Variants in C11orf65 observed in about 807,000 individuals in gnomAD.
C11orf65 encodes the protein chromosome 11 open reading frame 65.
Under a neutral mutation model 35.3 loss-of-function variants are expected in C11orf65, and 38 were observed. The observed-to-expected ratio is 1.08, with a 90% confidence interval of 0.83 to 1.41. C11orf65 has a LOEUF of 1.41. Among genes scored for constraint, C11orf65 ranks in the 40% most tolerant of loss-of-function variants. C11orf65 has a pLI of 0.00. For missense variants in C11orf65, 370 were observed against 367.1 expected (o/e 1.01, Z -0.06); for synonymous variants, 105 against 114.4 (o/e 0.92, Z 0.53).
At chr11:108,446,007 G>A (rs906265411) in intron 2 of C11orf65, among the ~76,000 whole-genome samples, 1 of 152,120 alleles carries the variant, frequency 6.6e-6, no homozygotes, top group African/African-American at 2.4e-5. Context: ...GCGATCAACT[G>A]GAAGAAAGGG....
chr11:108,409,535 T>C (rs1160525206), intron 3 of C11orf65, among the ~76,000 whole-genome samples: 3 of 152,282 alleles, frequency 2.0e-5, no homozygotes, highest in Middle Eastern at 6.8e-3. Flanking sequence ...GCTAGCAATA[T>C]GTGGTATGAT....
intron 2 of C11orf65, among the ~76,000 whole-genome samples, chr11:108,433,833 A>G (rs919062985): frequency 5.3e-5 from 8 of 152,066 alleles, no homozygotes; most frequent in Non-Finnish European, 1.2e-4. Flanking sequence ...AAATCCTTCT[A>G]CTGGGACAGA....
chr11:108,320,898 C>T (rs1358946701), intron 6 of C11orf65, among the ~76,000 whole-genome samples: 1 of 152,048 alleles, frequency 6.6e-6, no homozygotes, highest in African/African-American at 2.4e-5. Context: ...ATTATAATAC[C>T]ATATTCTTAC....
rs544165205 is a variant in C11orf65, at chr11:108,441,083, G to A, written c.82-9245C>T. Among the ~76,000 whole-genome samples, 7 of 152,330 alleles carry A rather than the reference G, an allele frequency of 4.6e-5. No homozygotes were observed. The South Asian group carries it at 1.0e-3, about 23-fold the overall frequency. On this transcript the variant is annotated intron_variant, in intron 2 of 8. Transcript: ENST00000393084. The stretch of plus-strand genomic sequence containing the variant: ...TTCCCTTTCCTAGCCAAGGGAAGCC[G>A]TGACAGATGGTACCTGGAAAATTAG...
At chr11:108,322,586 G>A (rs1280907310) in intron 6 of C11orf65, among the ~76,000 whole-genome samples, 1 of 152,166 alleles carries the variant, frequency 6.6e-6, no homozygotes, top group African/African-American at 2.4e-5. Flanking sequence ...ATGATCCAGG[G>A]ATTTTGGAAG....
At chr11:108,405,981 A>G (rs2092533132) in intron 5 of C11orf65, among the ~76,000 whole-genome samples, 1 of 151,872 alleles carries the variant, frequency 6.6e-6, no homozygotes, top group Non-Finnish European at 1.5e-5. Context: ...CCGTTATGAC[A>G]TTTTCTCCTA....
chr11:108,352,102 A>C (rs2089279757), intron 2 of C11orf65, among the ~76,000 whole-genome samples: 1 of 152,230 alleles, frequency 6.6e-6, no homozygotes, highest in African/African-American at 2.4e-5. Context: ...TAAAAGGTGT[A>C]GGTGTCAATT....
chr11:108,390,275 C>T (rs768394858), intron 7 of C11orf65, among the ~76,000 whole-genome samples: 2 of 152,174 alleles, frequency 1.3e-5, no homozygotes, highest in Non-Finnish European at 2.9e-5. Context: ...CCACCTGCCT[C>T]AGCCTCCCAA....
chr11:108,423,008 T>C (rs1472759216), intron 3 of C11orf65, among the ~76,000 whole-genome samples: 1 of 152,126 alleles, frequency 6.6e-6, no homozygotes, highest in Non-Finnish European at 1.5e-5. Context: ...TTTTATAACC[T>C]TGGAGTTGGA....
intron 6 of C11orf65, chr11:108,326,072 A>T: frequency 6.2e-7 from 1 of 1,614,108 alleles, no homozygotes; most frequent in Non-Finnish European, 8.5e-7. Context: ...CTGAAAGGGC[A>T]ATATTTCAAA....
chr11:108,390,690 A>G (rs1367466362), intron 7 of C11orf65, among the ~76,000 whole-genome samples: 1 of 152,138 alleles, frequency 6.6e-6, no homozygotes, highest in Admixed American at 6.5e-5. Flanking sequence ...ACTCTTAGGA[A>G]GAAAAGTAAA....
intron 2 of C11orf65, among the ~76,000 whole-genome samples, chr11:108,342,855 C>T (rs1484902723): frequency 6.6e-6 from 1 of 152,074 alleles, no homozygotes; most frequent in African/African-American, 2.4e-5. Context: ...AAGTGAAACT[C>T]CCCAAATTTA....
rs1555127024 is a variant in C11orf65 at position 108,334,972 on chromosome 11, G to T, written c.299+248C>A. ...ATCATGTTTATACTTTTATTAGGTG[G>T]ACCACACAGGAGAATATGGAAATCT... On this transcript the variant is annotated intron_variant, in intron 3 of 3. Transcript: ENST00000524755. 6.2e-7 allele frequency: 1 copy of T among 1,612,512 alleles called. No homozygotes were observed. The highest frequency in any genetic ancestry group is 8.5e-7 in the Non-Finnish European group (1 of 1,178,710).
At chr11:108,337,432 A>G (rs1423310588) in intron 2 of C11orf65, among the ~76,000 whole-genome samples, 1 of 152,250 alleles carries the variant, frequency 6.6e-6, no homozygotes, top group Non-Finnish European at 1.5e-5. Context: ...GGTTAAGATC[A>G]TTGGTACTCA....
At chr11:108,332,362 G>A (rs1342778359) in intron 3 of C11orf65, among the ~76,000 whole-genome samples, 1 of 152,102 alleles carries the variant, frequency 6.6e-6, no homozygotes, top group African/African-American at 2.4e-5. Context: ...AACTCGGGAG[G>A]CGGAGGTTGC....
chr11:108,405,792 A>G (rs936666193), intron 5 of C11orf65, among the ~76,000 whole-genome samples: 14 of 152,228 alleles, frequency 9.2e-5, no homozygotes, highest in Non-Finnish European at 2.1e-4. Context: ...GAGGTGCTTA[A>G]TAAGTGTTGA....
At chr11:108,421,166 T>G (rs183686889) in intron 3 of C11orf65, among the ~76,000 whole-genome samples, 60 of 152,316 alleles carry the variant, frequency 3.9e-4, no homozygotes, top group Admixed American at 3.2e-3. Flanking sequence ...CCATGTATCT[T>G]TCTCCTCAGC....
intron 2 of C11orf65, among the ~76,000 whole-genome samples, chr11:108,452,042 C>A (rs2093354867): frequency 6.6e-6 from 1 of 152,106 alleles, no homozygotes; most frequent in South Asian, 2.1e-4. Flanking sequence ...GACCTAAAAC[C>A]ATAAAAACCC....
At chr11:108,333,755 C>T in intron 3 of C11orf65, 1 of 796,212 alleles carries the variant, frequency 1.3e-6, no homozygotes, top group Admixed American at 1.9e-5. Flanking sequence ...CCAGAGTCTT[C>T]ATTTCTCAAT....
Sources: allele counts gnomAD v4.1 joint callset (sites outside exome capture counted in the v4.1 genomes callset), GRCh38; gene constraint gnomAD v4.1.1; transcripts MANE v1.5; gene names NCBI Gene and HGNC (gene_info 2026-07-23, HGNC 2026-07-21).